PHF24: variants seen among roughly 807,000 people sequenced by gnomAD.
PHF24 encodes the protein PHD finger protein 24.
A neutral mutation model predicts 42.6 loss-of-function variants in PHF24; 25 were observed. The observed-to-expected ratio is 0.59, with a 90% CI of 0.43 to 0.82. The LOEUF is 0.82. Ranked by LOEUF, PHF24 falls within the 40% of genes least tolerant of loss-of-function variation. The pLI is 0.00. For missense variants in PHF24, 470 were observed against 538.1 expected, an observed-to-expected ratio of 0.87 and a Z score of 1.25; for synonymous variants, 185 against 204.8, an observed-to-expected ratio of 0.90 and a Z score of 0.83.
At chr9:34,832,836 C>T in the PHF24 span, 17 of 1,551,644 alleles carry the variant, frequency 1.1e-5, no homozygotes, top group East Asian at 1.7e-4. Context: ...TGGGTATTCT[C>T]AGGAATTGTT....
chr9:34,867,664 T>C, the PHF24 span, among the ~76,000 whole-genome samples: 2 of 152,192 alleles, frequency 1.3e-5, no homozygotes, highest in South Asian at 4.1e-4. Context: ...TCAGGGTTGA[T>C]GCTGATGTGA....
At chr9:34,837,716 A>G in the PHF24 span, 2 of 1,481,628 alleles carry the variant, frequency 1.3e-6, no homozygotes, top group East Asian at 2.5e-5. Context: ...AGACAAAAAC[A>G]TTAGAATGTG....
chr9:34,848,436 T>A, the PHF24 span, among the ~76,000 whole-genome samples: 1 of 151,718 alleles, frequency 6.6e-6, no homozygotes, highest in African/African-American at 2.4e-5. Context: ...TCTGTGGGAT[T>A]GGTGGTGATA....
chr9:34,914,809 A>G, the PHF24 span, among the ~76,000 whole-genome samples: 1 of 151,590 alleles, frequency 6.6e-6, no homozygotes, highest in African/African-American at 2.4e-5. Flanking sequence ...TTTGATAGAC[A>G]AGGTCTTGCT....
At chr9:34,718,942 T>C in the PHF24 span, among the ~76,000 whole-genome samples, 1 of 152,238 alleles carries the variant, frequency 6.6e-6, no homozygotes, top group African/African-American at 2.4e-5. Context: ...CATGACATGA[T>C]GTTACCTGAG....
At chr9:34,712,651 A>G in the PHF24 span, among the ~76,000 whole-genome samples, 1 of 150,646 alleles carries the variant, frequency 6.6e-6, no homozygotes, top group South Asian at 2.1e-4. Context: ...TGATAGTTTC[A>G]TTTTGTTCAT....
At chr9:34,810,158 C>T in the PHF24 span, among the ~76,000 whole-genome samples, 3 of 151,890 alleles carry the variant, frequency 2.0e-5, no homozygotes, top group Non-Finnish European at 4.4e-5. Context: ...CGGACGGCCC[C>T]GGTAAGTGGG....
the PHF24 span, chr9:34,835,590 C>T: frequency 1.3e-6 from 2 of 1,551,746 alleles, no homozygotes; most frequent in East Asian, 2.4e-5. Flanking sequence ...TTGCTCTGCT[C>T]ATCTCCTCCT....
chr9:34,835,530 C>T, the PHF24 span: 1 of 1,551,772 alleles, frequency 6.4e-7, no homozygotes, highest in South Asian at 1.2e-5. Context: ...AGCAAGGAGA[C>T]CTGGAAATTC....
chr9:34,935,467 G>A, the PHF24 span, among the ~76,000 whole-genome samples: 1 of 152,130 alleles, frequency 6.6e-6, no homozygotes, highest in East Asian at 1.9e-4. Flanking sequence ...GGTAGCACGT[G>A]CCTGTAGTCC....
the PHF24 span, among the ~76,000 whole-genome samples, chr9:34,680,117 T>A: frequency 6.6e-6 from 1 of 152,202 alleles, no homozygotes; most frequent in African/African-American, 2.4e-5. Flanking sequence ...GGCTCATGCC[T>A]GTAATCTCAG....
At chr9:34,883,748 C>A in the PHF24 span, among the ~76,000 whole-genome samples, 1 of 152,170 alleles carries the variant, frequency 6.6e-6, no homozygotes. Flanking sequence ...GAAATAGGAA[C>A]ACTTTTACAC....
the PHF24 span, among the ~76,000 whole-genome samples, chr9:34,748,039 T>C: frequency 3.9e-5 from 6 of 152,230 alleles, no homozygotes; most frequent in Non-Finnish European, 7.3e-5. Flanking sequence ...GTATATACTA[T>C]ATAATTTCAT....
At chr9:34,812,315 A>T in the PHF24 span, among the ~76,000 whole-genome samples, 1 of 152,338 alleles carries the variant, frequency 6.6e-6, no homozygotes, top group South Asian at 2.1e-4. Context: ...GAATGTGGAG[A>T]AATTGGAACC....
the PHF24 span, among the ~76,000 whole-genome samples, chr9:34,897,998 G>C: frequency 2.6e-5 from 4 of 152,162 alleles, no homozygotes. Context: ...TGCAAATGCT[G>C]TTAATTCATT....
At chr9:34,767,827 G>C in the PHF24 span, among the ~76,000 whole-genome samples, 4 of 152,236 alleles carry the variant, frequency 2.6e-5, no homozygotes, top group Non-Finnish European at 4.4e-5. Context: ...GACCGGAGCT[G>C]TTCCTATTCG....
the PHF24 span, among the ~76,000 whole-genome samples, chr9:34,901,748 G>A: frequency 6.6e-6 from 1 of 152,048 alleles, no homozygotes; most frequent in Admixed American, 6.6e-5. Flanking sequence ...GCCAATCAAG[G>A]GAATGTAAGC....
the PHF24 span, chr9:34,691,062 T>A: frequency 6.3e-7 from 1 of 1,582,132 alleles, no homozygotes; most frequent in South Asian, 1.2e-5. Context: ...CCCCACTGCC[T>A]CTGACCCTGA....
the PHF24 span, among the ~76,000 whole-genome samples, chr9:34,912,405 C>T: frequency 6.6e-6 from 1 of 152,044 alleles, no homozygotes; most frequent in Non-Finnish European, 1.5e-5. Flanking sequence ...TCCTGAGAAA[C>T]AAAGAATGTA....
Sources: allele counts gnomAD v4.1 joint callset (sites outside exome capture counted in the v4.1 genomes callset), GRCh38; gene constraint gnomAD v4.1.1; transcripts MANE v1.5; gene names NCBI Gene and HGNC (gene_info 2026-07-23, HGNC 2026-07-21).